Variants in LRP12 observed in about 807,000 individuals in gnomAD.
LRP12 encodes low-density lipoprotein receptor-related protein 12.
Under a neutral mutation model 66.0 loss-of-function variants are expected in LRP12, and 14 were observed. The ratio of observed to expected loss-of-function variants is 0.21; its 90% CI spans 0.14 to 0.33. The LOEUF (loss-of-function observed/expected upper bound fraction) is 0.33, where lower values mean the gene tolerates loss of function less well. Among genes scored for constraint, LRP12 ranks in the 10% least tolerant of loss-of-function variants. LRP12 has a pLI of 1.00. For synonymous variants in LRP12, 357 were observed against 359.1 expected, an observed-to-expected ratio of 0.99 and a Z score of 0.07; for missense variants, 889 against 1,053.4, an observed-to-expected ratio of 0.84 and a Z score of 2.16.
At chr8:104,508,843 C>G in intron 3 of LRP12, 96 bp downstream of exon 3, 1 of 1,160,430 alleles carries the variant, frequency 8.6e-7, no homozygotes, top group South Asian at 1.7e-5. Context: ...CCTGAAAAGC[C>G]TTCTTTTTAT....
At chr8:104,528,249 G>C (rs1292628142) in intron 2 of LRP12, among the ~76,000 whole-genome samples, 1 of 152,182 alleles carries the variant, frequency 6.6e-6, no homozygotes, top group African/African-American at 2.4e-5. Context: ...GGTGAAAAGA[G>C]CAGGGGAAGA....
intron 1 of LRP12, among the ~76,000 whole-genome samples, chr8:104,553,752 C>T (rs896996503): frequency 6.6e-6 from 1 of 151,900 alleles, no homozygotes; most frequent in African/African-American, 2.4e-5. Context: ...TTAGGGCAAG[C>T]TTGTATCCTC....
intron 1 of LRP12, among the ~76,000 whole-genome samples, chr8:104,574,366 C>T (rs749239044): frequency 1.3e-4 from 20 of 152,126 alleles, no homozygotes; most frequent in South Asian, 4.1e-4. Context: ...TGGAGTCCTG[C>T]GACCCGAAAG....
intron 1 of LRP12, among the ~76,000 whole-genome samples, chr8:104,533,564 T>C (rs1339475432): frequency 6.6e-6 from 1 of 152,142 alleles, no homozygotes; most frequent in Non-Finnish European, 1.5e-5. Flanking sequence ...GGTTTGGGCT[T>C]AAATCTTCTA....
At chr8:104,570,315 G>A (rs1006109556) in intron 1 of LRP12, among the ~76,000 whole-genome samples, 1 of 152,100 alleles carries the variant, frequency 6.6e-6, no homozygotes, top group Non-Finnish European at 1.5e-5. Context: ...AAAGGAATTA[G>A]AATAGTTAAT....
At chr8:104,514,430 C>G (rs190370224) in intron 2 of LRP12, among the ~76,000 whole-genome samples, 1 of 151,532 alleles carries the variant, frequency 6.6e-6, no homozygotes, top group African/African-American at 2.4e-5. Context: ...AGTCTCCGGC[C>G]AAGTGTGGTG....
intron 2 of LRP12, among the ~76,000 whole-genome samples, chr8:104,511,985 A>G (rs1189042769): frequency 1.3e-5 from 2 of 152,156 alleles, no homozygotes; most frequent in African/African-American, 4.8e-5. Flanking sequence ...TTTTAGAAAA[A>G]GACTATATGT....
At chr8:104,544,490 A>G (rs566643171) in intron 1 of LRP12, among the ~76,000 whole-genome samples, 66 of 152,302 alleles carry the variant, frequency 4.3e-4, no homozygotes, top group African/African-American at 1.6e-3. Flanking sequence ...GCGAGAGAGA[A>G]GATATCAATG....
intron 1 of LRP12, among the ~76,000 whole-genome samples, chr8:104,568,427 C>T (rs762332983): frequency 6.6e-6 from 1 of 152,112 alleles, no homozygotes; most frequent in Non-Finnish European, 1.5e-5. Context: ...GTAAACTGGA[C>T]TGTCTCAAAA....
chr8:104,533,452 C>T (rs962321602), intron 1 of LRP12, among the ~76,000 whole-genome samples: 5 of 152,018 alleles, frequency 3.3e-5, no homozygotes, highest in Non-Finnish European at 7.4e-5. Flanking sequence ...TGGGAGTGTG[C>T]TAGAAATGCA....
chr8:104,552,818 C>T (rs1464792236), intron 1 of LRP12, among the ~76,000 whole-genome samples: 2 of 152,126 alleles, frequency 1.3e-5, no homozygotes, highest in Non-Finnish European at 2.9e-5. Context: ...GCTCCAAGAA[C>T]TACCACAGAA....
At chr8:104,576,633 C>A (rs985991192) in intron 1 of LRP12, among the ~76,000 whole-genome samples, 1 of 152,166 alleles carries the variant, frequency 6.6e-6, no homozygotes, top group Non-Finnish European at 1.5e-5. Context: ...AAGGAAGGAC[C>A]ATTACCAGCC....
chr8:104,574,878 G>A (rs1812138189), intron 1 of LRP12, among the ~76,000 whole-genome samples: 2 of 152,056 alleles, frequency 1.3e-5, no homozygotes, highest in African/African-American at 4.8e-5. Context: ...TACACTTGAG[G>A]CTCACATTAT....
intron 1 of LRP12, among the ~76,000 whole-genome samples, chr8:104,534,022 G>C (rs1362892466): frequency 6.8e-6 from 1 of 147,836 alleles, no homozygotes; most frequent in Non-Finnish European, 1.5e-5. Flanking sequence ...TTTTAAAATG[G>C]AGATAATACC....
chr8:104,556,904 A>G (rs1286417508), intron 1 of LRP12, among the ~76,000 whole-genome samples: 1 of 152,232 alleles, frequency 6.6e-6, no homozygotes, highest in Non-Finnish European at 1.5e-5. Flanking sequence ...ATATAAAAAG[A>G]TAACCCACCA....
rs1554712978 is a variant in LRP12 at position 104,588,970 on chromosome 8, A to ACGACGCCGCCGC, written c.-74_-73insGCGGCGGCGTCG. On this transcript the variant is annotated 5_prime_UTR_variant, in exon 1 of 7. Transcript: ENST00000276654. Reference sequence around the variant, plus strand: ...GAGAAGCTGGAGGTAGACGACGCCGACGCCGCCGCCGCCGCCGCCGCCGCC... The same window carrying ACGACGCCGCCGC: ...GAGAAGCTGGAGGTAGACGACGCCGACGACGCCGCCGCCGCCGCCGCCGCCGCCGCCGCCGCC... 263 of 601,212 alleles carry ACGACGCCGCCGC rather than the reference A, an allele frequency of 4.4e-4. 5 individuals carry two copies. In the South Asian group the frequency reaches 4.6e-3, roughly 11 times the overall value. 37.2% of individuals were successfully genotyped at this position (601,212 alleles called of 1,614,324 possible).
chr8:104,510,809 G>C (rs1197527933), intron 2 of LRP12, among the ~76,000 whole-genome samples: 1 of 151,954 alleles, frequency 6.6e-6, no homozygotes, highest in Non-Finnish European at 1.5e-5. Flanking sequence ...TATATTGCCT[G>C]TCTCTCAAAA....
rs150564508 is a variant in LRP12 at position 104,491,059 on chromosome 8, G to A, written c.2194C>T (p.Arg732Cys). 286 of 1,614,012 alleles carry A rather than the reference G, an allele frequency of 1.8e-4. No homozygotes were observed. The highest frequency in any genetic ancestry group is 2.3e-4 in the Non-Finnish European group (270 of 1,180,036). The change falls in exon 7 of 7, where the codon CGT (arginine) becomes TGT (cysteine). Residue 732 changes from arginine (R) to cysteine (C), a missense_variant. By Grantham distance (180) the Arg-to-Cys change is radical. This residue lies in a region of LRP12 where 800 missense variants were observed against 964.5 expected (regional missense o/e 0.83). Coordinates refer to ENST00000276654, the MANE Select transcript of LRP12 (RefSeq NM_013437.5). ...ARHQLTSALSRMTQGLRWVRF... is the reference protein window; with the variant it reads ...ARHQLTSALSCMTQGLRWVRF... ...ACCCAGCGTAGCCCCTGAGTCATAC[G>A]ACTGAGTGCACTTGTAAGCTGGTGA...
intron 2 of LRP12, among the ~76,000 whole-genome samples, chr8:104,518,100 C>T (rs1811097240): frequency 6.6e-6 from 1 of 152,008 alleles, no homozygotes; most frequent in Non-Finnish European, 1.5e-5. Context: ...CTAAGTATGA[C>T]ACATAGTGCT....
Sources: allele counts gnomAD v4.1 joint callset (sites outside exome capture counted in the v4.1 genomes callset), GRCh38; gene constraint gnomAD v4.1.1; regional missense constraint gnomAD v4.1.1; transcripts MANE v1.5; gene names NCBI Gene and HGNC (gene_info 2026-07-23, HGNC 2026-07-21).